Variants in RORB observed in about 807,000 individuals in gnomAD.
The protein encoded by RORB is nuclear receptor ROR-beta.
Under a neutral mutation model 59.1 loss-of-function variants are expected in RORB, and 6 were observed. The ratio of observed to expected loss-of-function variants is 0.10; its 90% CI spans 0.06 to 0.20. The LOEUF is 0.20. Among genes scored for constraint, RORB ranks in the 10% least tolerant of loss-of-function variants. The pLI is 1.00. For synonymous variants in RORB, 215 were observed against 204.5 expected (o/e 1.05, Z -0.44); for missense variants, 320 against 560.5 (o/e 0.57, Z 4.33).
chr9:74,617,874 C>T (rs1420056674), intron 1 of RORB, among the ~76,000 whole-genome samples: 6 of 152,100 alleles, frequency 3.9e-5, no homozygotes, highest in East Asian at 3.8e-4. Context: ...CTCAAACATG[C>T]CTTTCTCTAA....
chr9:74,498,997 T>G (rs1300508216), intron 1 of RORB: 1 of 152,546 alleles, frequency 6.6e-6, no homozygotes, highest in East Asian at 1.9e-4. Context: ...TCAGGTTTCC[T>G]TCGCGCTGTG....
intron 3 of RORB, among the ~76,000 whole-genome samples, chr9:74,640,287 C>T (rs1304851346): frequency 6.6e-6 from 1 of 152,144 alleles, no homozygotes; most frequent in African/African-American, 2.4e-5. Context: ...GTCACCCAGG[C>T]TGGAGTACAG....
At chr9:74,641,077 G>A (rs1823795236) in intron 3 of RORB, among the ~76,000 whole-genome samples, 1 of 152,182 alleles carries the variant, frequency 6.6e-6, no homozygotes, top group Non-Finnish European at 1.5e-5. Flanking sequence ...ACACCAAGAG[G>A]TGGTGGGAAT....
intron 1 of RORB, among the ~76,000 whole-genome samples, chr9:74,510,148 G>A (rs185101058): frequency 6.6e-6 from 1 of 152,086 alleles, no homozygotes; most frequent in African/African-American, 2.4e-5. Context: ...TATTCTGCAG[G>A]ACTCCAATTG....
At chr9:74,603,758 C>A (rs17612778) in intron 1 of RORB, among the ~76,000 whole-genome samples, 47,228 of 152,090 alleles carry the variant, frequency 0.31, 7,507 homozygotes, top group Non-Finnish European at 0.35. Flanking sequence ...TCTAATACAT[C>A]ACTCTACCAA....
intron 1 of RORB, among the ~76,000 whole-genome samples, chr9:74,609,769 G>T (rs1323363): frequency 0.42 from 63,113 of 152,030 alleles, 14,422 homozygotes; most frequent in East Asian, 0.76. Context: ...GTAAAGCCTG[G>T]GTTTGTGTCC....
chr9:74,612,003 A>G (rs2118360377), intron 1 of RORB, among the ~76,000 whole-genome samples: 1 of 152,288 alleles, frequency 6.6e-6, no homozygotes, highest in African/African-American at 2.4e-5. Flanking sequence ...ACACACAAAG[A>G]GAGGGTTTTA....
intron 1 of RORB, among the ~76,000 whole-genome samples, chr9:74,531,261 T>C (rs1359003050): frequency 6.6e-6 from 1 of 152,000 alleles, no homozygotes; most frequent in African/African-American, 2.4e-5. Flanking sequence ...CAATGATTGA[T>C]CAAAGTCAAG....
chr9:74,587,534 A>T (rs950455964), intron 1 of RORB, among the ~76,000 whole-genome samples: 1 of 152,182 alleles, frequency 6.6e-6, no homozygotes, highest in Non-Finnish European at 1.5e-5. Context: ...TCTGTGGGTC[A>T]ACTGGGTGGT....
At chr9:74,634,869 T>C (rs1329248733) in intron 3 of RORB, 97 bp downstream of exon 3, 1 of 1,158,850 alleles carries the variant, frequency 8.6e-7, no homozygotes, top group Non-Finnish European at 1.2e-6. Flanking sequence ...GATGAGGGAA[T>C]TGGGGATAAG....
intron 1 of RORB, among the ~76,000 whole-genome samples, chr9:74,528,189 C>T (rs907067777): frequency 2.0e-5 from 3 of 151,910 alleles, no homozygotes. Flanking sequence ...AGAAATTACC[C>T]AACTTGAGTG....
chr9:74,609,094 T>G (rs182341236), intron 1 of RORB, among the ~76,000 whole-genome samples: 3 of 152,358 alleles, frequency 2.0e-5, no homozygotes, highest in East Asian at 3.9e-4. Context: ...TGCTTTCATC[T>G]ATAATTTTAA....
intron 1 of RORB, among the ~76,000 whole-genome samples, chr9:74,579,428 G>A (rs1040406423): frequency 1.3e-5 from 2 of 151,902 alleles, no homozygotes; most frequent in African/African-American, 2.4e-5. Flanking sequence ...TTTTAAACAG[G>A]CTGAATTCCC....
intron 3 of RORB, among the ~76,000 whole-genome samples, chr9:74,641,525 A>C (rs369927207): frequency 6.6e-6 from 1 of 152,194 alleles, no homozygotes; most frequent in Non-Finnish European, 1.5e-5. Context: ...CCAAAAGCCA[A>C]CTGAAGGCAA....
chr9:74,582,594 C>T (rs1393631481), intron 1 of RORB, among the ~76,000 whole-genome samples: 1 of 152,146 alleles, frequency 6.6e-6, no homozygotes, highest in Non-Finnish European at 1.5e-5. Context: ...ACCAACATTA[C>T]AAGATTGGAA....
At chr9:74,511,661 T>C (rs1276779082) in intron 1 of RORB, among the ~76,000 whole-genome samples, 2 of 150,728 alleles carry the variant, frequency 1.3e-5, no homozygotes, top group Non-Finnish European at 2.9e-5. Context: ...TACTCTGGCA[T>C]AGTAATAAGG....
At chr9:74,646,313 T>C (rs1285063030) in intron 4 of RORB, among the ~76,000 whole-genome samples, 1 of 152,122 alleles carries the variant, frequency 6.6e-6, no homozygotes, top group Non-Finnish European at 1.5e-5. Context: ...TAAGATCTCA[T>C]GAGTTTGAAA....
chr9:74,656,623 C>T (rs751767654), intron 4 of RORB, among the ~76,000 whole-genome samples: 1 of 152,110 alleles, frequency 6.6e-6, no homozygotes, highest in Non-Finnish European at 1.5e-5. Context: ...GTAGTCCCAG[C>T]TAGTTGGGAG....
intron 1 of RORB, among the ~76,000 whole-genome samples, chr9:74,623,232 C>A (rs1823453411): frequency 6.6e-6 from 1 of 152,156 alleles, no homozygotes; most frequent in East Asian, 1.9e-4. Flanking sequence ...CTAGTAGCCA[C>A]AACCGCAAGA....
Sources: gnomAD v4.1 joint callset for allele counts (sites outside exome capture counted in the v4.1 genomes callset) on GRCh38, gnomAD v4.1.1 for gene constraint, MANE v1.5 for transcripts, NCBI Gene and HGNC (gene_info 2026-07-23, HGNC 2026-07-21) for gene names.